Variants in CCDC144A observed in about 807,000 individuals in gnomAD.
CCDC144A encodes the protein coiled-coil domain containing 144A, also known as coiled-coil domain-containing protein 144A.
CCDC144A carries 41 observed loss-of-function variants against 143.8 expected under a neutral mutation model. That is an observed-to-expected ratio of 0.29 (90% CI 0.22 to 0.37). The LOEUF is 0.37. Among genes scored for constraint, CCDC144A ranks in the 10% least tolerant of loss-of-function variants. CCDC144A has a pLI of 1.00. For synonymous variants in CCDC144A, 242 were observed against 517.9 expected (o/e 0.47, Z 7.23); for missense variants, 637 against 1,488.8 (o/e 0.43, Z 9.41).
intron 12 of CCDC144A, among the ~76,000 whole-genome samples, chr17:16,759,229 T>A (rs1263298162): frequency 1.3e-5 from 2 of 152,288 alleles, no homozygotes; most frequent in Middle Eastern, 3.2e-3. Flanking sequence ...TAGGCCATCA[T>A]AAATTGTAAA....
chr17:16,683,660 C>A, the CCDC144A span: 3 of 1,608,990 alleles, frequency 1.9e-6, no homozygotes, highest in South Asian at 3.3e-5. Flanking sequence ...AATCTGCAAG[C>A]CCGGAAGTTT....
chr17:16,747,909 T>C (rs1227262373), intron 12 of CCDC144A, among the ~76,000 whole-genome samples: 2 of 152,218 alleles, frequency 1.3e-5, no homozygotes, highest in African/African-American at 4.8e-5. Flanking sequence ...ATGCCTTTTC[T>C]TTCTTTCTTT....
intron 8 of CCDC144A, among the ~76,000 whole-genome samples, chr17:16,725,033 T>TTGTG (rs1555532849): frequency 3.5e-4 from 33 of 94,298 alleles, no homozygotes; most frequent in South Asian, 6.5e-4. Flanking sequence ...TTTTTTTTTT[T>TTGTG]TGTGTGAAAT....
chr17:16,668,109 T>C, the CCDC144A span, among the ~76,000 whole-genome samples: 1 of 146,642 alleles, frequency 6.8e-6, no homozygotes, highest in Admixed American at 6.9e-5. Context: ...CATTTTTTCA[T>C]CATTAGTTTA....
Position 16,690,715 on chromosome 17 carries a change from T to G in CCDC144A, c.315T>G (p.Thr105=). Residue 105 remains threonine, a synonymous_variant, in exon 1 of 17, where the codon ACT becomes ACG. Coordinates refer to ENST00000399273, the MANE Select transcript of CCDC144A (RefSeq NM_001382000.1). The stretch of plus-strand genomic sequence containing the variant: ...AGCACATCTTAGCTCCTGGAGACAC[T>G]GGCGTGGACAAGAGGGATAGGAAGA... ...GVEHILAPGD[T]GVDKRDRKKS... The G allele has an allele frequency of 6.2e-7, 1 of 1,611,516 alleles. No homozygotes were observed. Among genetic ancestry groups the G allele is most frequent in the East Asian group, 2.2e-5 (1 of 44,774 alleles).
At chr17:16,680,174 ATCC>A in the CCDC144A span, among the ~76,000 whole-genome samples, 577 of 152,104 alleles carry the variant, frequency 3.8e-3, 5 homozygotes, top group African/African-American at 0.013. Flanking sequence ...CATGCCTATA[ATCC>A]CAGCACTTTG....
chr17:16,729,135 C>T lies in CCDC144A; in HGVS notation c.2105+1395C>T, dbSNP rs576299141. Among the ~76,000 whole-genome samples the T allele has an allele frequency of 2.4e-4, 37 of 152,220 alleles. No individual in the cohort carries two copies. The South Asian group carries it at 3.3e-3, about 14-fold the overall frequency. ...AGGGGATTGTTGGATTGAATGGTAG[C>T]TCTATTTTAGTTGTTTGAGAAATCT... On this transcript the variant is annotated intron_variant, in intron 9 of 16. Transcript: ENST00000399273.
chr17:16,758,206 AAC>A (rs4034512), intron 12 of CCDC144A, among the ~76,000 whole-genome samples: 12,615 of 150,958 alleles, frequency 0.084, 271 homozygotes, highest in Non-Finnish European at 0.12. Context: ...CCACTTGAAA[AAC>A]ACACTAATTT....
the CCDC144A span, among the ~76,000 whole-genome samples, chr17:16,678,585 C>CTTTCTT: frequency 6.9e-3 from 945 of 136,802 alleles, 19 homozygotes; most frequent in African/African-American, 0.021. Context: ...TTTTTCTTTT[C>CTTTCTT]TTTTTTTTTT....
chr17:16,674,600 G>C, the CCDC144A span, among the ~76,000 whole-genome samples: 1 of 151,184 alleles, frequency 6.6e-6, no homozygotes, highest in East Asian at 1.9e-4. Context: ...GGAAGGAAGG[G>C]AGGGAGGGAA....
At chr17:16,717,357 G>A (rs1422370290) in intron 6 of CCDC144A, among the ~76,000 whole-genome samples, 3 of 151,960 alleles carry the variant, frequency 2.0e-5, no homozygotes, top group Admixed American at 6.6e-5. Flanking sequence ...TGATCCGCCC[G>A]CCTCAGCCTC....
intron 15 of CCDC144A, among the ~76,000 whole-genome samples, chr17:16,769,955 G>C (rs903851521): frequency 2.0e-5 from 3 of 151,390 alleles, no homozygotes; most frequent in African/African-American, 7.3e-5. Context: ...AGCCTCCTGA[G>C]TAGCTGGGAC....
chr17:16,773,458 CAAT>C (rs758294421), intron 16 of CCDC144A, 36 bp from the exon 17 acceptor site: 21 of 1,522,768 alleles, frequency 1.4e-5, no homozygotes, highest in South Asian at 3.8e-5. Context: ...AAAATAATAA[CAAT>C]AATAATAATA....
At chr17:16,689,955 A>G (rs3865289), upstream of CCDC144A, 28,697 of 153,806 alleles carry the variant, frequency 0.19, 4,546 homozygotes, top group African/African-American at 0.42. Flanking sequence ...CAGGCTGGGC[A>G]CCGCCACCCC....
At chr17:16,677,145 T>C in the CCDC144A span, among the ~76,000 whole-genome samples, 5 of 152,116 alleles carry the variant, frequency 3.3e-5, no homozygotes, top group African/African-American at 1.2e-4. Flanking sequence ...TTTTGCATTC[T>C]GCCTTCTCTC....
At chr17:16,720,135 T>C in intron 6 of CCDC144A, 63 bp from the exon 7 acceptor site, 1 of 1,478,826 alleles carries the variant, frequency 6.8e-7, no homozygotes, top group Non-Finnish European at 9.0e-7. Flanking sequence ...ACAGTAGTGT[T>C]AGATATTCTT....
At chr17:16,673,317 C>T in the CCDC144A span, among the ~76,000 whole-genome samples, 1 of 151,930 alleles carries the variant, frequency 6.6e-6, no homozygotes, top group Non-Finnish European at 1.5e-5. Flanking sequence ...ATAATATCCC[C>T]CCAAAAGTTC....
intron 6 of CCDC144A, among the ~76,000 whole-genome samples, chr17:16,713,634 G>T (rs1207122391): frequency 6.6e-6 from 1 of 152,076 alleles, no homozygotes; most frequent in Non-Finnish European, 1.5e-5. Context: ...TGAGCAAAAT[G>T]ATAATCAGCT....
chr17:16,720,710 G>A (rs1913043773), intron 8 of CCDC144A, 52 bp downstream of exon 8: 3 of 1,563,966 alleles, frequency 1.9e-6, no homozygotes, highest in Admixed American at 1.9e-5. Flanking sequence ...GCAGTAATGT[G>A]TGTATACATT....
Sources: gnomAD v4.1 joint callset for allele counts (sites outside exome capture counted in the v4.1 genomes callset) on GRCh38, gnomAD v4.1.1 for gene constraint, MANE v1.5 for transcripts, NCBI Gene and HGNC (gene_info 2026-07-23, HGNC 2026-07-21) for gene names.